Variants in NF1 observed in about 807,000 individuals in gnomAD.
NF1 encodes neurofibromin.
NF1 carries 122 observed loss-of-function variants against 325.7 expected under a neutral mutation model. The ratio of observed to expected loss-of-function variants is 0.37; its 90% CI spans 0.32 to 0.44. NF1 has a LOEUF of 0.44. Ranked by LOEUF, NF1 falls within the 20% of genes least tolerant of loss-of-function variation. NF1 has a pLI of 1.00. For missense variants in NF1, 2,140 were observed against 3,415.4 expected (o/e 0.63, Z 9.31); for synonymous variants, 1,091 against 1,186.0 (o/e 0.92, Z 1.65).
At chr17:31,100,644 A>G (rs1912239535) in intron 1 of NF1, among the ~76,000 whole-genome samples, 1 of 152,130 alleles carries the variant, frequency 6.6e-6, no homozygotes, top group Admixed American at 6.6e-5. Flanking sequence ...ATCTCAGCTC[A>G]CTGCAACGTC....
At chr17:31,228,512 C>A (rs1034407710) in intron 20 of NF1, among the ~76,000 whole-genome samples, 2 of 152,110 alleles carry the variant, frequency 1.3e-5, no homozygotes, top group Non-Finnish European at 2.9e-5. Flanking sequence ...AATGTATTCA[C>A]AGAGTTGTGC....
At chr17:31,342,270 G>GATATCTAGAT (rs2069844111) in intron 47 of NF1, among the ~76,000 whole-genome samples, 1 of 152,088 alleles carries the variant, frequency 6.6e-6, no homozygotes, top group South Asian at 2.1e-4. Flanking sequence ...GGTGGTCAGC[G>GATATCTAGAT]ATATCTAGTT....
intron 36 of NF1, chr17:31,321,538 A>G (rs930685949): frequency 3.3e-5 from 5 of 152,206 alleles, no homozygotes; most frequent in Admixed American, 6.5e-5. Flanking sequence ...CGTGATTTTG[A>G]TAAACCACTT....
Position 31,340,628 on chromosome 17 carries a change from C to T in NF1, c.7045C>T (p.Arg2349Cys), listed in dbSNP as rs56013763. Residue 2349 changes from arginine to cysteine, a missense_variant, in exon 47 of 58, where the codon CGT (arginine) becomes TGT (cysteine). Physicochemically the swap from Arg to Cys is radical, Grantham distance 180. Transcript: ENST00000358273. ...EQNLHTLDSL[R>C]IFNDKSPEEV... ...AAACCTGCATACTTTAGATAGTCTC[C>T]GTATATTCAATGACAAGGTAAGCAA... is the stretch of plus-strand genomic sequence containing the variant. 11 of 1,613,940 alleles carry T rather than the reference C, an allele frequency of 6.8e-6. No homozygotes were observed. Among genetic ancestry groups the T allele is most frequent in the Admixed American group, 1.7e-5 (1 of 59,994 alleles).
At chr17:31,348,726 T>TA (rs35854297) in intron 48 of NF1, among the ~76,000 whole-genome samples, 3,605 of 148,764 alleles carry the variant, frequency 0.024, 130 homozygotes, top group African/African-American at 0.071. Context: ...CATCTTTTCT[T>TA]AAAAAAAAAA....
intron 1 of NF1, among the ~76,000 whole-genome samples, chr17:31,126,324 C>G (rs1368472633): frequency 6.6e-6 from 1 of 152,090 alleles, no homozygotes; most frequent in Non-Finnish European, 1.5e-5. Flanking sequence ...GTTATTTATT[C>G]TGTGAAATGT....
intron 38 of NF1, among the ~76,000 whole-genome samples, chr17:31,330,022 T>G (rs2069440780): frequency 6.6e-6 from 1 of 152,178 alleles, no homozygotes; most frequent in Non-Finnish European, 1.5e-5. Flanking sequence ...TGAGATGTAT[T>G]TTAGGAAAGC....
chr17:31,148,410 T>C (rs1048603044), intron 1 of NF1, among the ~76,000 whole-genome samples: 40 of 151,148 alleles, frequency 2.6e-4, no homozygotes, highest in Middle Eastern at 3.4e-3. Context: ...TTTTTTTTTT[T>C]CCTCCAGACA....
In NF1 at chr17:31,129,533, G is replaced by A. The variant is rs568413616; in HGVS notation, c.61-26450G>A. 2.1e-4 allele frequency among the ~76,000 whole-genome samples: 31 copies of A among 149,866 alleles called. No homozygotes were observed. In the South Asian group the frequency reaches 5.0e-3, roughly 24 times the overall value. On this transcript the variant is annotated intron_variant, in intron 1 of 57. Coordinates refer to ENST00000358273, the MANE Select transcript of NF1 (RefSeq NM_001042492.3). ...CAACCTCTGCTTCCTGGGTTCAAGC[G>A]ATTCTCCTGCCTCAGCCTCCTGAGT... is the stretch of plus-strand genomic sequence containing the variant.
chr17:31,187,152 C>T (rs1307310635), intron 8 of NF1, among the ~76,000 whole-genome samples: 2 of 152,202 alleles, frequency 1.3e-5, no homozygotes, highest in South Asian at 4.1e-4. Flanking sequence ...ACTCACTTTA[C>T]AGCTAAAGAA....
chr17:31,345,296 A>G (rs1025521007), intron 48 of NF1, among the ~76,000 whole-genome samples: 1 of 152,168 alleles, frequency 6.6e-6, no homozygotes, highest in African/African-American at 2.4e-5. Flanking sequence ...CTTTTCTTTT[A>G]ATTAAAAATG....
rs144150934 is a variant in NF1, at chr17:31,117,985, A to G, written c.60+22616A>G. On this transcript the variant is annotated intron_variant, in intron 1 of 57. Transcript: ENST00000358273. The stretch of plus-strand genomic sequence containing the variant: ...AGGCTGTTAGGTGCAGCCTGACTTA[A>G]GGGATAAGGGCTGAATTATAGAGAA... 4.7e-3 allele frequency among the ~76,000 whole-genome samples: 722 copies of G among 152,344 alleles called. 7 individuals carry two copies. The highest frequency in any genetic ancestry group is 0.017 in the African/African-American group (690 of 41,580).
At chr17:31,355,620 C>G (rs1466600745) in intron 51 of NF1, among the ~76,000 whole-genome samples, 1 of 152,142 alleles carries the variant, frequency 6.6e-6, no homozygotes, top group Non-Finnish European at 1.5e-5. Context: ...GAGACCAAGG[C>G]AGGTGGATTG....
At chr17:31,255,838 C>T (rs1028486246) in intron 31 of NF1, among the ~76,000 whole-genome samples, 1 of 152,106 alleles carries the variant, frequency 6.6e-6, no homozygotes, top group African/African-American at 2.4e-5. Flanking sequence ...TTCCTTGTTC[C>T]TTCTCCACTC....
At chr17:31,332,824 C>T (rs1251245232) in intron 39 of NF1, among the ~76,000 whole-genome samples, 3 of 42,180 alleles carry the variant, frequency 7.1e-5, no homozygotes, top group African/African-American at 1.5e-4. Context: ...TGAGAATATG[C>T]GGTGTTTGGT....
rs1555536633 is a variant in NF1 at position 31,356,463 on chromosome 17, C to T, written c.7619C>T (p.Thr2540Ile). The change falls in exon 52 of 58, where the codon ACA becomes ATA. Residue 2540 changes from threonine to isoleucine, a missense_variant. Coordinates refer to ENST00000358273, the MANE Select transcript of NF1 (RefSeq NM_001042492.3). ...SQANTKKLLG[T>I]RKSFDHLISD... ...TATTCTTAACTTTTGTTTATAGGAA[C>T]AAGGAAAAGTTTTGATCACTTGATA... 6.2e-7 allele frequency: 1 copy of T among 1,613,254 alleles called. No homozygotes were observed.
At chr17:31,342,836 T>C (rs187756997) in intron 47 of NF1, among the ~76,000 whole-genome samples, 173 bp from the exon 48 acceptor site, 45 of 152,366 alleles carry the variant, frequency 3.0e-4, no homozygotes, top group African/African-American at 1.1e-3. Context: ...CTTGCACCAG[T>C]TAATTTGTAG....
intron 36 of NF1, chr17:31,320,504 C>T: frequency 2.8e-5 from 36 of 1,286,494 alleles, no homozygotes; most frequent in Non-Finnish European, 4.0e-5. Flanking sequence ...CATTGGCTGA[C>T]ATTTGTATAC....
At chr17:31,226,405 A>G in intron 17 of NF1, 30 bp from the exon 18 acceptor site, 1 of 1,610,612 alleles carries the variant, frequency 6.2e-7, no homozygotes, top group African/African-American at 1.3e-5. Context: ...CCCAAGTTGC[A>G]AATATATGTC....
Sources: gnomAD v4.1 joint callset for allele counts (sites outside exome capture counted in the v4.1 genomes callset) on GRCh38, gnomAD v4.1.1 for gene constraint, MANE v1.5 for transcripts, NCBI Gene and HGNC (gene_info 2026-07-23, HGNC 2026-07-21) for gene names.